Variants in SAFB observed in about 807,000 individuals in gnomAD.
SAFB encodes the protein scaffold attachment factor B, also known as scaffold attachment factor B1.
In SAFB, 15 loss-of-function variants were observed where a neutral mutation model predicts 101.6. The ratio of observed to expected loss-of-function variants is 0.15; its 90% CI spans 0.10 to 0.23. SAFB has a LOEUF of 0.23. SAFB is among the 10% of genes least tolerant of loss of function. The pLI, the probability that SAFB is intolerant of heterozygous loss-of-function variation, is 1.00. For missense variants in SAFB, 930 were observed against 1,104.1 expected (o/e 0.84, Z 2.23); for synonymous variants, 449 against 407.5 (o/e 1.10, Z -1.23).
intron 13 of SAFB, among the ~76,000 whole-genome samples, chr19:5,656,079 CTT>C: frequency 6.6e-6 from 1 of 152,068 alleles, no homozygotes; most frequent in South Asian, 2.1e-4. Context: ...AATTCTGTGT[CTT>C]TCAATTATGA....
At chr19:5,642,143 G>C in intron 4 of SAFB, 197 bp downstream of exon 4, 1 of 660,538 alleles carries the variant, frequency 1.5e-6, no homozygotes, top group Admixed American at 2.1e-5. Flanking sequence ...ATATGTACTT[G>C]CTATCCATTT....
Position 5,651,066 on chromosome 19 carries a change from T to C in SAFB, c.1287T>C (p.Tyr429=), listed in dbSNP as rs141142689. The C allele has an allele frequency of 1.4e-4, 222 of 1,601,990 alleles. No individual in the cohort carries two copies. In the East Asian group the frequency reaches 2.4e-3, roughly 18 times the overall value. ...ATTTGAAGAATCTTTTCAGCAAATA[T>C]GGGAAGGTAAGTGCCAGAGCTTTTC... ...ATDLKNLFSK[Y]GKVVGAKVVT... is the part of the protein sequence containing the mutation. Residue 429 remains tyrosine (Y), a synonymous_variant, in exon 9 of 21, where the codon TAT becomes TAC. Transcript: ENST00000588852.
intron 2 of SAFB, 58 bp from the exon 3 acceptor site, chr19:5,641,536 G>T: frequency 1.4e-6 from 2 of 1,423,308 alleles, no homozygotes; most frequent in African/African-American, 1.4e-5. Context: ...TCAGGGCATT[G>T]TTGCTTCTGT....
At position 5,668,236 on chromosome 19, in the gene SAFB, G is replaced by A; in HGVS notation, c.2699G>A (p.Gly900Glu). 6.2e-7 allele frequency: 1 copy of A among 1,611,216 alleles called. No individual in the cohort carries two copies. The change falls in exon 21 of 21, where the codon GGA (glycine) becomes GAA (glutamate). Residue 900 changes from glycine (G) to glutamate (E), a missense_variant. Physicochemically the swap from Gly to Glu is moderately conservative, Grantham distance 98. Transcript: ENST00000588852. The stretch of plus-strand genomic sequence containing the variant: ...CACGGTGGCATGCAGGGCGGGTTTG[G>A]AGGCCAGAGCCGGGGGAGCAGGCCC... ...IPHGGMQGGF[G>E]GQSRGSRPSD... is the part of the protein sequence containing the mutation.
At chr19:5,651,096 G>A (rs2053928498) in intron 9 of SAFB, 24 bp downstream of exon 9, 2 of 1,491,090 alleles carry the variant, frequency 1.3e-6, no homozygotes, top group Non-Finnish European at 1.9e-6. Flanking sequence ...CTTTTCTGGA[G>A]AAGATACTTT....
chr19:5,641,010 A>G (rs1190376262), intron 2 of SAFB, among the ~76,000 whole-genome samples: 1 of 145,012 alleles, frequency 6.9e-6, no homozygotes, highest in Non-Finnish European at 1.5e-5. Flanking sequence ...GCTCAGTGCA[A>G]CCTCCGCCTC....
chr19:5,632,696 T>C (rs2053515797), intron 2 of SAFB, among the ~76,000 whole-genome samples: 2 of 152,212 alleles, frequency 1.3e-5, no homozygotes, highest in African/African-American at 2.4e-5. Flanking sequence ...GATCAAGTTA[T>C]ACGCTTGTCA....
intron 15 of SAFB, 81 bp downstream of exon 15, chr19:5,661,889 T>A: frequency 2.0e-6 from 2 of 1,023,420 alleles, no homozygotes; most frequent in Non-Finnish European, 2.7e-6. Context: ...CTTGAGATTT[T>A]TTTTTTTTTT....
chr19:5,631,746 C>G (rs2053494734), intron 2 of SAFB, among the ~76,000 whole-genome samples: 1 of 152,162 alleles, frequency 6.6e-6, no homozygotes, highest in Non-Finnish European at 1.5e-5. Flanking sequence ...TTAGCAGACT[C>G]TCAAAATAAT....
At position 5,657,289 on chromosome 19, in the gene SAFB, G is replaced by A. The variant is rs140914922; in HGVS notation, c.1804G>A (p.Val602Ile). 111 of 1,613,900 alleles carry A rather than the reference G, an allele frequency of 6.9e-5. No homozygotes were observed. The highest frequency in any genetic ancestry group is 8.6e-5 in the Non-Finnish European group (101 of 1,179,948). Residue 602 changes from valine (V) to isoleucine (I), a missense_variant, in exon 14 of 21, where the codon GTC (valine) becomes ATC (isoleucine). Val to Ile is a conservative substitution (Grantham distance 29). This residue lies in a region of SAFB where 159 missense variants were observed against 234.1 expected (regional missense o/e 0.68). Coordinates refer to ENST00000588852, the MANE Select transcript of SAFB (RefSeq NM_001201338.2). ...ATCAGCCAGCAGAGAGAAGCGGTCC[G>A]TCGTGTCCTTTGATAAGGTCAAGGA... ...RKSASREKRS[V>I]VSFDKVKEPR...
At chr19:5,642,182 A>G in intron 4 of SAFB, 1 of 562,112 alleles carries the variant, frequency 1.8e-6, no homozygotes, top group Non-Finnish European at 3.3e-6. Flanking sequence ...CATTTTGAGG[A>G]CAACCATTCA....
intron 13 of SAFB, among the ~76,000 whole-genome samples, chr19:5,654,767 A>G (rs1258643215): frequency 2.0e-5 from 3 of 152,164 alleles, no homozygotes; most frequent in Non-Finnish European, 2.9e-5. Context: ...AGGTTTCACC[A>G]TGTTGGCCAG....
At position 5,626,624 on chromosome 19, in the gene SAFB, T is replaced by C. The variant is rs1235335803; in HGVS notation, c.274+135T>C. The C allele has an allele frequency of 3.0e-5, 18 of 595,076 alleles. No homozygotes were observed. In the East Asian group the frequency reaches 4.5e-4, roughly 15 times the overall value. 36.9% of individuals were successfully genotyped at this position (595,076 alleles called of 1,614,324 possible). On this transcript the variant is annotated intron_variant, in intron 2 of 20. Transcript: ENST00000588852. ...GAACTGGGAGCCTTCAGCGAAGCTT[T>C]GCATTTTCTTTCAAGATCTCTCTAC...
At chr19:5,645,300 G>T in intron 4 of SAFB, 37 bp from the exon 5 acceptor site, 2 of 835,426 alleles carry the variant, frequency 2.4e-6, no homozygotes, top group Non-Finnish European at 4.2e-6. Context: ...CGTTATTGTT[G>T]GTGTGATGAA....
rs773807779 is a variant in SAFB at position 5,654,148 on chromosome 19, C to A, written c.1614C>A (p.Asp538Glu). The A allele has an allele frequency of 7.4e-6, 12 of 1,614,006 alleles. No individual in the cohort carries two copies. Among genetic ancestry groups the A allele is most frequent in the African/African-American group, 2.7e-5 (2 of 74,900 alleles). Residue 538 changes from aspartate to glutamate, a missense_variant, in exon 12 of 21, where the codon GAC becomes GAA. By Grantham distance (45) the Asp-to-Glu change is conservative. Transcript: ENST00000588852. ...GDDGSGEKSKDQDDQKPGPSE... is the reference protein window; with the variant it reads ...GDDGSGEKSKEQDDQKPGPSE... ...ACGGAAGTGGAGAAAAGAGTAAGGA[C>A]CAAGATGATCAGAAACCTGGCCCCT...
At chr19:5,638,112 G>C (rs1405798127) in intron 2 of SAFB, among the ~76,000 whole-genome samples, 1 of 152,090 alleles carries the variant, frequency 6.6e-6, no homozygotes. Flanking sequence ...ACTGCTGTTT[G>C]GATGAAGGTG....
chr19:5,640,254 CAGG>C (rs1011143316), intron 2 of SAFB, among the ~76,000 whole-genome samples: 4 of 151,526 alleles, frequency 2.6e-5, no homozygotes, highest in African/African-American at 9.7e-5. Flanking sequence ...TTTGAGTAGT[CAGG>C]AGATAAATTC....
chr19:5,648,508 A>T (rs771127218), intron 6 of SAFB: 13 of 287,672 alleles, frequency 4.5e-5, no homozygotes, highest in Non-Finnish European at 7.3e-5. Context: ...GAGTGTCTTC[A>T]TGAGAATTCC....
At chr19:5,631,243 A>G (rs553654644) in intron 2 of SAFB, among the ~76,000 whole-genome samples, 3 of 152,310 alleles carry the variant, frequency 2.0e-5, no homozygotes, top group African/African-American at 7.2e-5. Flanking sequence ...TGCCCCTCCC[A>G]GTGCGTCTCC....
Sources: allele counts gnomAD v4.1 joint callset (sites outside exome capture counted in the v4.1 genomes callset), GRCh38; gene constraint gnomAD v4.1.1; regional missense constraint gnomAD v4.1.1; transcripts MANE v1.5; gene names NCBI Gene and HGNC (gene_info 2026-07-23, HGNC 2026-07-21).